The following KIF13A variants were observed in gnomAD, a reference collection of about 807,000 sequenced individuals.
KIF13A encodes the protein kinesin family member 13A.
Under a neutral mutation model 212.2 loss-of-function variants are expected in KIF13A, and 79 were observed. The ratio of observed to expected loss-of-function variants is 0.37; its 90% confidence interval spans 0.31 to 0.45. The LOEUF (loss-of-function observed/expected upper bound fraction) is 0.45. Ranked by LOEUF, KIF13A falls within the 20% of genes least tolerant of loss-of-function variation. The pLI is 1.00. For synonymous variants in KIF13A, 789 were observed against 808.6 expected, an observed-to-expected ratio of 0.98 and a Z score of 0.41; for missense variants, 1,901 against 2,209.0, an observed-to-expected ratio of 0.86 and a Z score of 2.79.
chr6:17,762,222 T>TC (rs936069059), downstream of KIF13A, among the ~76,000 whole-genome samples: 52 of 151,114 alleles, frequency 3.4e-4, no homozygotes, highest in Non-Finnish European at 6.9e-4. Context: ...AATTTTTTTT[T>TC]TTTTTTTTGA....
intron 20 of KIF13A, among the ~76,000 whole-genome samples, chr6:17,801,894 C>T (rs1216771407): frequency 3.3e-5 from 5 of 152,202 alleles, no homozygotes; most frequent in Non-Finnish European, 7.3e-5. Flanking sequence ...AATTTTCTAT[C>T]ATGGTGGCTC....
chr6:17,775,853 T>A lies in KIF13A; in HGVS notation c.4171-791A>T, dbSNP rs184791338. Among the ~76,000 whole-genome samples the A allele has an allele frequency of 1.2e-3, 189 of 152,308 alleles. 2 individuals are homozygous for A. Among genetic ancestry groups the A allele is most frequent in the African/African-American group, 4.3e-3 (179 of 41,574 alleles). ...CAGATTGAGGTTGAAAAAAATATTT[T>A]TTTTTTTAGATTACTTCATAAGCAG... On this transcript the variant is annotated intron_variant, in intron 34 of 38. Transcript: ENST00000259711.
intron 3 of KIF13A, among the ~76,000 whole-genome samples, chr6:17,878,484 G>A (rs375390406): frequency 5.8e-5 from 8 of 138,814 alleles, no homozygotes; most frequent in African/African-American, 2.0e-4. Context: ...GTCATGTTGT[G>A]TTGCCAAGGC....
chr6:17,862,125 C>T (rs543789079), intron 4 of KIF13A, among the ~76,000 whole-genome samples: 2 of 152,236 alleles, frequency 1.3e-5, no homozygotes, highest in South Asian at 4.1e-4. Flanking sequence ...AGGTAATCCT[C>T]CTGCATCAGC....
intron 17 of KIF13A, among the ~76,000 whole-genome samples, chr6:17,813,950 T>C (rs1443435123): frequency 3.1e-4 from 3 of 9,636 alleles, no homozygotes; most frequent in African/African-American, 1.5e-3. Flanking sequence ...AGGTGCTGCT[T>C]TTTTTTTTTT....
chr6:17,799,054 T>C lies in KIF13A; in HGVS notation c.2790+212A>G, dbSNP rs1762272261. On this transcript the variant is annotated intron_variant, in intron 22 of 38. Coordinates refer to ENST00000259711, the MANE Select transcript of KIF13A (RefSeq NM_022113.6). The surrounding 1 kb of genome is among the most constrained non-coding windows in gnomAD (Gnocchi z 4.4). The stretch of plus-strand genomic sequence containing the variant: ...AGCAACCTGTCACTGGTGGTTTATA[T>C]CTTTGGGGAACAAGACTGTTGGTAG... Among the ~76,000 whole-genome samples, 1 of 152,252 alleles carries C rather than the reference T, an allele frequency of 6.6e-6. No homozygotes were observed. Among genetic ancestry groups the C allele is most frequent in the Non-Finnish European group, 1.5e-5 (1 of 68,048 alleles).
At chr6:17,916,493 T>C (rs987689797) in intron 2 of KIF13A, among the ~76,000 whole-genome samples, 1 of 152,234 alleles carries the variant, frequency 6.6e-6, no homozygotes, top group Non-Finnish European at 1.5e-5. Context: ...ACAAACCCCA[T>C]CAGGCTAGCT....
rs950071794 is a variant in KIF13A, at chr6:17,816,328, C to G, written c.2000+692G>C. Among the ~76,000 whole-genome samples the G allele has an allele frequency of 6.6e-6, 1 of 152,128 alleles. No individual in the cohort carries two copies. Among genetic ancestry groups the G allele is most frequent in the Non-Finnish European group, 1.5e-5 (1 of 68,022 alleles). On this transcript the variant is annotated intron_variant, in intron 17 of 38. Coordinates refer to ENST00000259711, the MANE Select transcript of KIF13A (RefSeq NM_022113.6). The surrounding 1 kb of genome is among the most constrained non-coding windows in gnomAD (Gnocchi z 4.3). Reference sequence around the variant, plus strand: ...AAGTGACCCTCCCTCCTAAGCCTCCCAAGTAGCTGGGATTATAGGCACCAG... The same window carrying G: ...AAGTGACCCTCCCTCCTAAGCCTCCGAAGTAGCTGGGATTATAGGCACCAG...
intron 16 of KIF13A, among the ~76,000 whole-genome samples, chr6:17,820,883 G>T (rs1396208498): frequency 1.3e-5 from 2 of 152,128 alleles, no homozygotes. Context: ...ATAAGAAAGA[G>T]AATTAGAATT....
chr6:17,983,482 TTGC>T (rs60982346), intron 2 of KIF13A, among the ~76,000 whole-genome samples: 17 of 140,958 alleles, frequency 1.2e-4, no homozygotes, highest in South Asian at 6.9e-4. Context: ...CAAAACTGTC[TTGC>T]TGCTGCTGCT....
intron 3 of KIF13A, among the ~76,000 whole-genome samples, chr6:17,879,980 A>T (rs1026421547): frequency 6.6e-6 from 1 of 152,086 alleles, no homozygotes; most frequent in South Asian, 2.1e-4. Flanking sequence ...TAAAAACTTT[A>T]TTTTAGAGAG....
At chr6:17,881,311 A>G (rs1771034724) in intron 3 of KIF13A, among the ~76,000 whole-genome samples, 1 of 152,200 alleles carries the variant, frequency 6.6e-6, no homozygotes, top group South Asian at 2.1e-4. Context: ...TAATAAGGCA[A>G]ATGTGTTGAG....
intron 3 of KIF13A, among the ~76,000 whole-genome samples, chr6:17,896,212 C>T (rs1278089904): frequency 2.0e-5 from 3 of 152,026 alleles, no homozygotes; most frequent in Non-Finnish European, 2.9e-5. Context: ...GCAGTTCAAA[C>T]CTGTGCTGTT....
rs1426178331 is a variant in KIF13A, at chr6:17,895,068, A to C, written c.159+3100T>G. On this transcript the variant is annotated intron_variant, in intron 3 of 38. Coordinates refer to ENST00000259711, the MANE Select transcript of KIF13A (RefSeq NM_022113.6). The surrounding 1 kb of genome is among the most constrained non-coding windows in gnomAD (Gnocchi z 4.4). ...TGCTAAACCCTTGCACTAAATTCTTAATTTCGGTTTTGGGTTTTTCAGATT... is the reference window on the plus strand; with the variant it reads ...TGCTAAACCCTTGCACTAAATTCTTCATTTCGGTTTTGGGTTTTTCAGATT... 6.6e-6 allele frequency among the ~76,000 whole-genome samples: 1 copy of C among 152,094 alleles called. No individual in the cohort carries two copies. Among genetic ancestry groups the C allele is most frequent in the Non-Finnish European group, 1.5e-5 (1 of 68,006 alleles).
chr6:17,886,020 A>G lies in KIF13A; in HGVS notation c.159+12148T>C, dbSNP rs552741483. ...TCAAAGGTGATGTGGATATTTTCAA[A>G]CACAGAATACTTCTTCTTCAATAAA... On this transcript the variant is annotated intron_variant, in intron 3 of 38. Transcript: ENST00000259711. This position sits in a 1 kb window ranked among gnomAD's most constrained non-coding sequence, Gnocchi z 5.6. Among the ~76,000 whole-genome samples the G allele has an allele frequency of 3.9e-5, 6 of 152,368 alleles. No individual in the cohort carries two copies. In the East Asian group the frequency reaches 1.2e-3, roughly 29 times the overall value.
chr6:17,956,242 G>A (rs570549294), intron 2 of KIF13A, among the ~76,000 whole-genome samples: 1 of 152,300 alleles, frequency 6.6e-6, no homozygotes, highest in Non-Finnish European at 1.5e-5. Flanking sequence ...AAGTGAAAAG[G>A]CTAGGATTTA....
At chr6:17,907,457 T>C (rs903875044) in intron 2 of KIF13A, among the ~76,000 whole-genome samples, 1 of 152,024 alleles carries the variant, frequency 6.6e-6, no homozygotes, top group Non-Finnish European at 1.5e-5. Flanking sequence ...GGGTTATCCA[T>C]GTGGTTAATA....
chr6:17,827,087 A>C lies in KIF13A; in HGVS notation c.1533-963T>G, dbSNP rs558498865. On this transcript the variant is annotated intron_variant, in intron 14 of 38. Transcript: ENST00000259711. ...AAAATAAATTAAAAAAAAAATAAAT[A>C]AATAAAATAATTTTTTTTCTTTTTG... Among the ~76,000 whole-genome samples, 6 of 151,906 alleles carry C rather than the reference A, an allele frequency of 3.9e-5. No individual in the cohort carries two copies. In the South Asian group the frequency reaches 1.0e-3, roughly 26 times the overall value.
chr6:17,843,728 C>T lies in KIF13A; in HGVS notation c.830+5649G>A, dbSNP rs1252059292. Among the ~76,000 whole-genome samples, 1 of 152,108 alleles carries T rather than the reference C, an allele frequency of 6.6e-6. No homozygotes were observed. Among genetic ancestry groups the T allele is most frequent in the Non-Finnish European group, 1.5e-5 (1 of 68,026 alleles). The stretch of plus-strand genomic sequence containing the variant: ...TGTAGCTGGTTTCTGTTGCTTAGAG[C>T]AGAATGCAATCCCTGGCTTTGAAAT... On this transcript the variant is annotated intron_variant, in intron 9 of 38. Coordinates refer to ENST00000259711, the MANE Select transcript of KIF13A (RefSeq NM_022113.6). This position sits in a 1 kb window ranked among gnomAD's most constrained non-coding sequence, Gnocchi z 5.3.
Sources: allele counts gnomAD v4.1 joint callset (sites outside exome capture counted in the v4.1 genomes callset), GRCh38; gene constraint gnomAD v4.1.1; non-coding constraint Gnocchi (gnomAD v3.1); transcripts MANE v1.5; gene names NCBI Gene and HGNC (gene_info 2026-07-23, HGNC 2026-07-21).